The following MDFIC variants were observed in gnomAD, a reference collection of about 807,000 sequenced individuals.
The protein encoded by MDFIC is MyoD family inhibitor domain containing, also known as myoD family inhibitor domain-containing protein.
MDFIC carries 17 observed loss-of-function variants against 23.2 expected under a neutral mutation model. That is an observed-to-expected ratio of 0.73 (90% CI 0.50 to 1.10). The LOEUF is 1.10. Ranked by LOEUF, MDFIC falls within the 50% of genes least tolerant of loss-of-function variation. MDFIC has a pLI of 0.00. For synonymous variants in MDFIC, 120 were observed against 115.2 expected (o/e 1.04, Z -0.27); for missense variants, 356 against 316.6 (o/e 1.12, Z -0.95).
chr7:115,012,967 A>G (rs548286063), intron 4 of MDFIC, among the ~76,000 whole-genome samples: 6 of 152,148 alleles, frequency 3.9e-5, no homozygotes, highest in Admixed American at 1.3e-4. Flanking sequence ...TGACAGAGTA[A>G]GACTCTGTCT....
Position 114,926,597 on chromosome 7 carries a change from G to A in MDFIC, c.94+3470G>A, listed in dbSNP as rs569638189. Among the ~76,000 whole-genome samples, 26 of 152,296 alleles carry A rather than the reference G, an allele frequency of 1.7e-4. No homozygotes were observed. The South Asian group carries it at 4.3e-3, about 25-fold the overall frequency. ...TTAATGTGATAATGTGTGATTTAAT[G>A]CACTCTTCTCTCTTGGGAGAGTCCT... is the stretch of plus-strand genomic sequence containing the variant. On this transcript the variant is annotated intron_variant, in intron 2 of 4. Transcript: ENST00000393486.
At chr7:114,950,088 C>A (rs1162327657) in intron 3 of MDFIC, among the ~76,000 whole-genome samples, 1 of 152,072 alleles carries the variant, frequency 6.6e-6, no homozygotes, top group Admixed American at 6.6e-5. Context: ...GTGACTTAAT[C>A]AACATTGTGT....
At chr7:114,950,418 A>G (rs1388609998) in intron 3 of MDFIC, among the ~76,000 whole-genome samples, 1 of 152,200 alleles carries the variant, frequency 6.6e-6, no homozygotes, top group African/African-American at 2.4e-5. Context: ...GATATTGTCC[A>G]AAGAGGGTGT....
intron 4 of MDFIC, among the ~76,000 whole-genome samples, chr7:114,982,515 T>C (rs1363935045): frequency 6.6e-6 from 1 of 150,836 alleles, no homozygotes; most frequent in Admixed American, 6.6e-5. Context: ...CATAGCAAGA[T>C]CTCATCTCTA....
chr7:114,952,212 T>C (rs4730659), intron 3 of MDFIC, among the ~76,000 whole-genome samples: 46,190 of 152,174 alleles, frequency 0.3, 8,704 homozygotes, highest in Non-Finnish European at 0.43. Flanking sequence ...GAGAATCTTG[T>C]ATAGCTATGT....
intron 2 of MDFIC, among the ~76,000 whole-genome samples, chr7:114,937,484 C>A (rs1216637314): frequency 6.6e-6 from 1 of 152,208 alleles, no homozygotes; most frequent in African/African-American, 2.4e-5. Flanking sequence ...TATTGTTTAG[C>A]TCTTGTGAAG....
At chr7:114,961,885 A>G (rs1792999372) in intron 3 of MDFIC, among the ~76,000 whole-genome samples, 2 of 152,208 alleles carry the variant, frequency 1.3e-5, no homozygotes, top group Admixed American at 6.5e-5. Flanking sequence ...ACACAAATCC[A>G]AACCATGTCA....
chr7:115,011,818 A>G (rs1791687973), intron 4 of MDFIC, among the ~76,000 whole-genome samples: 1 of 152,210 alleles, frequency 6.6e-6, no homozygotes, highest in South Asian at 2.1e-4. Flanking sequence ...CCTCAGGGCT[A>G]TTGATCTCAC....
intron 4 of MDFIC, chr7:114,980,092 G>A: frequency 2.8e-6 from 1 of 353,818 alleles, no homozygotes; most frequent in Non-Finnish European, 5.4e-6. Flanking sequence ...GCATACATGA[G>A]TGTGTGTGTG....
chr7:114,963,083 C>A (rs1793026423), intron 3 of MDFIC, among the ~76,000 whole-genome samples: 2 of 151,994 alleles, frequency 1.3e-5, no homozygotes, highest in African/African-American at 4.8e-5. Flanking sequence ...TTCAAAGAAC[C>A]TTTTATTGGG....
chr7:114,953,701 G>A (rs1327530210), intron 3 of MDFIC, among the ~76,000 whole-genome samples: 1 of 152,164 alleles, frequency 6.6e-6, no homozygotes, highest in African/African-American at 2.4e-5. Context: ...TTTGGTTCCA[G>A]GGCCCCTGAG....
intron 2 of MDFIC, among the ~76,000 whole-genome samples, chr7:114,929,391 C>T (rs1792265003): frequency 6.6e-6 from 1 of 152,180 alleles, no homozygotes; most frequent in South Asian, 2.1e-4. Flanking sequence ...AGGCTTGAGC[C>T]ACTGTGCCCA....
At chr7:114,986,751 C>A (rs984462406) in intron 4 of MDFIC, among the ~76,000 whole-genome samples, 4 of 152,192 alleles carry the variant, frequency 2.6e-5, no homozygotes, top group African/African-American at 7.2e-5. Flanking sequence ...CTCCTGATGC[C>A]CCATTTTGGG....
At chr7:114,953,776 A>C (rs1019212983) in intron 3 of MDFIC, among the ~76,000 whole-genome samples, 2 of 152,174 alleles carry the variant, frequency 1.3e-5, no homozygotes, top group African/African-American at 4.8e-5. Flanking sequence ...CATATAACCT[A>C]TGCATATCTT....
At chr7:114,938,143 A>G (rs2115740536) in intron 2 of MDFIC, among the ~76,000 whole-genome samples, 1 of 151,914 alleles carries the variant, frequency 6.6e-6, no homozygotes, top group East Asian at 1.9e-4. Flanking sequence ...TTTACTAGAG[A>G]TGGGGTTTTA....
intron 4 of MDFIC, among the ~76,000 whole-genome samples, chr7:114,997,262 G>A (rs373617225): frequency 1.3e-5 from 2 of 152,118 alleles, no homozygotes; most frequent in East Asian, 1.9e-4. Context: ...TTTAGAATGG[G>A]GTACATGGTT....
intron 3 of MDFIC, among the ~76,000 whole-genome samples, chr7:114,978,222 C>A (rs1793353232): frequency 6.6e-6 from 1 of 151,782 alleles, no homozygotes; most frequent in African/African-American, 2.4e-5. Context: ...TACATCAAAT[C>A]CTACAACCCT....
chr7:114,925,184 C>T (rs1408427455), intron 2 of MDFIC, among the ~76,000 whole-genome samples: 2 of 151,912 alleles, frequency 1.3e-5, no homozygotes, highest in Non-Finnish European at 2.9e-5. Flanking sequence ...TCTACCCCTG[C>T]AAAGTTAAAT....
At chr7:115,011,221 G>A (rs555165019) in intron 4 of MDFIC, among the ~76,000 whole-genome samples, 10 of 152,240 alleles carry the variant, frequency 6.6e-5, no homozygotes, top group Admixed American at 6.5e-4. Context: ...TAAATTTTCT[G>A]TGAATGAGTC....
Sources: allele counts gnomAD v4.1 joint callset (sites outside exome capture counted in the v4.1 genomes callset), GRCh38; gene constraint gnomAD v4.1.1; transcripts MANE v1.5; gene names NCBI Gene and HGNC (gene_info 2026-07-23, HGNC 2026-07-21).